The following TRDMT1 variants were observed in gnomAD, a reference collection of about 807,000 sequenced individuals.
TRDMT1 encodes tRNA aspartic acid methyltransferase 1.
A neutral mutation model predicts 51.2 loss-of-function variants in TRDMT1; 49 were observed. That is an observed-to-expected ratio of 0.96 (90% CI 0.76 to 1.21). TRDMT1 has a LOEUF of 1.21. Among genes scored for constraint, TRDMT1 ranks in the 50% most tolerant of loss-of-function variants. The pLI, the probability that TRDMT1 is intolerant of heterozygous loss-of-function variation, is 0.00. For missense variants in TRDMT1, 534 were observed against 462.3 expected, an observed-to-expected ratio of 1.16 and a Z score of -1.42; for synonymous variants, 187 against 164.6, an observed-to-expected ratio of 1.14 and a Z score of -1.04.
intron 3 of TRDMT1, among the ~76,000 whole-genome samples, chr10:17,162,818 C>A (rs191406912): frequency 1.3e-5 from 2 of 152,148 alleles, no homozygotes; most frequent in African/African-American, 4.8e-5. Flanking sequence ...AATAAGTACA[C>A]TTAAAATTTA....
Position 17,145,273 on chromosome 10 carries a change from AAAAC to A in TRDMT1, c.*3763_*3766del, listed in dbSNP as rs1441434069. On this transcript the variant is annotated 3_prime_UTR_variant, in exon 11 of 11. Coordinates refer to ENST00000377799, the MANE Select transcript of TRDMT1 (RefSeq NM_004412.7). ...AAAACAAAACAAAACAAAACAAAACAAAACAAAAAAAACAGCAAAGGGAAACTCT... is the reference window on the plus strand; with the variant it reads ...AAAACAAAACAAAACAAAACAAAACAAAAAAAAACAGCAAAGGGAAACTCT... 2.1e-4 allele frequency: 196 copies of A among 952,286 alleles called. No individual in the cohort carries two copies. Among genetic ancestry groups the A allele is most frequent in the South Asian group, 7.2e-4 (14 of 19,564 alleles). 59.0% of individuals were successfully genotyped at this position (952,286 alleles called of 1,614,324 possible). A position where few individuals can be genotyped will look rare whatever the true frequency, so the allele number is the denominator to read the frequency against.
chr10:17,190,793 A>C (rs1192933202), intron 1 of TRDMT1, among the ~76,000 whole-genome samples: 5 of 152,244 alleles, frequency 3.3e-5, no homozygotes, highest in East Asian at 3.8e-4. Flanking sequence ...GCATTCAACA[A>C]GTATATAAAA....
chr10:17,185,388 T>C (rs1054533054), intron 1 of TRDMT1, among the ~76,000 whole-genome samples: 1 of 151,194 alleles, frequency 6.6e-6, no homozygotes, highest in African/African-American at 2.4e-5. Context: ...TCACACCAGT[T>C]AGAATGGCGA....
chr10:17,179,000 G>C (rs1033476277), intron 1 of TRDMT1, among the ~76,000 whole-genome samples: 3 of 151,920 alleles, frequency 2.0e-5, no homozygotes, highest in Non-Finnish European at 4.4e-5. Context: ...AGACATACCA[G>C]AGCCAGAGAA....
At chr10:17,182,260 GA>G (rs1228180375) in intron 1 of TRDMT1, among the ~76,000 whole-genome samples, 1 of 152,094 alleles carries the variant, frequency 6.6e-6, no homozygotes, top group African/African-American at 2.4e-5. Flanking sequence ...GATACATGGA[GA>G]AAAAAACTGG....
chr10:17,143,754 A>T lies in TRDMT1; in HGVS notation c.*5286T>A. On this transcript the variant is annotated 3_prime_UTR_variant, in exon 11 of 11. Coordinates refer to ENST00000377799, the MANE Select transcript of TRDMT1 (RefSeq NM_004412.7). ...TGCCTTAGGAAGGCCATTTTAACAG[A>T]AGCTGACCAATGGAATGCAGAGTGA... The T allele has an allele frequency of 6.1e-6, 6 of 985,444 alleles. No homozygotes were observed. The highest frequency in any genetic ancestry group is 6.0e-6 in the Non-Finnish European group (5 of 829,926). 61.0% of individuals were successfully genotyped at this position (985,444 alleles called of 1,614,324 possible).
chr10:17,159,945 T>C (rs1428091477), intron 6 of TRDMT1, among the ~76,000 whole-genome samples: 2 of 152,186 alleles, frequency 1.3e-5, no homozygotes, highest in Non-Finnish European at 1.5e-5. Context: ...TACATGTTTA[T>C]ATTGTTTTCT....
intron 10 of TRDMT1, chr10:17,150,692 G>T (rs1334780215): frequency 1.0e-6 from 1 of 984,610 alleles, no homozygotes; most frequent in African/African-American, 1.7e-5. Flanking sequence ...ATGAGGACAG[G>T]AAGGTAGAAT....
At chr10:17,193,054 G>A (rs1263806801) in intron 1 of TRDMT1, among the ~76,000 whole-genome samples, 1 of 152,076 alleles carries the variant, frequency 6.6e-6, no homozygotes, top group South Asian at 2.1e-4. Flanking sequence ...ACTAGCCAGA[G>A]CAATCCCTCA....
intron 10 of TRDMT1, chr10:17,151,435 T>C (rs1219419996): frequency 2.1e-6 from 2 of 970,914 alleles, no homozygotes; most frequent in Non-Finnish European, 2.4e-6. Context: ...TTTGGAAGGA[T>C]CAATGCAGAT....
At chr10:17,177,948 G>A (rs1842819703) in intron 1 of TRDMT1, among the ~76,000 whole-genome samples, 1 of 152,114 alleles carries the variant, frequency 6.6e-6, no homozygotes, top group Non-Finnish European at 1.5e-5. Flanking sequence ...TTTACAAGAT[G>A]TAAATGCAAA....
In TRDMT1 at chr10:17,139,113, G is replaced by A; in HGVS notation, c.*9927C>T. The A allele has an allele frequency of 8.5e-6, 8 of 939,040 alleles. No homozygotes were observed. The highest frequency in any genetic ancestry group is 1.0e-5 in the Non-Finnish European group (8 of 787,476). 58.2% of individuals were successfully genotyped at this position (939,040 alleles called of 1,614,324 possible). On this transcript the variant is annotated 3_prime_UTR_variant, in exon 11 of 11. Transcript: ENST00000377799. ...AATGGGGACTTCAGCAGCTCCATTG[G>A]ATTAATCCAAGCTTGGTTTCCAAGG...
rs1320666620 is a variant in TRDMT1, at chr10:17,141,248, C to T, written c.*7792G>A. On this transcript the variant is annotated 3_prime_UTR_variant, in exon 11 of 11. Coordinates refer to ENST00000377799, the MANE Select transcript of TRDMT1 (RefSeq NM_004412.7). ...CACGATCTCAGCTCACTGCAGTCTC[C>T]GCTCCTGGGTTCAAGCCATTCCCCT... Among the ~76,000 whole-genome samples, 4 of 152,138 alleles carry T rather than the reference C, an allele frequency of 2.6e-5. No individual in the cohort carries two copies. Among genetic ancestry groups the T allele is most frequent in the African/African-American group, 7.2e-5 (3 of 41,424 alleles).
At chr10:17,165,682 CA>C (rs1841098413) in intron 3 of TRDMT1, among the ~76,000 whole-genome samples, 1 of 137,578 alleles carries the variant, frequency 7.3e-6, no homozygotes, top group Non-Finnish European at 1.6e-5. Flanking sequence ...AAGAAAAAAA[CA>C]AAAAACCCCA....
In TRDMT1 at chr10:17,141,080, T is replaced by C. The variant is rs1237988369; in HGVS notation, c.*7960A>G. The stretch of plus-strand genomic sequence containing the variant: ...CAATGCCACCTCCTTCTGGTCCTCA[T>C]GGTTTTGGATGAGACATCTACTGTC... On this transcript the variant is annotated 3_prime_UTR_variant, in exon 11 of 11. Coordinates refer to ENST00000377799, the MANE Select transcript of TRDMT1 (RefSeq NM_004412.7). 6.6e-6 allele frequency among the ~76,000 whole-genome samples: 1 copy of C among 152,380 alleles called. No homozygotes were observed. Among genetic ancestry groups the C allele is most frequent in the South Asian group, 2.1e-4 (1 of 4,832 alleles).
intron 3 of TRDMT1, among the ~76,000 whole-genome samples, chr10:17,164,497 T>C (rs536117327): frequency 2.4e-4 from 36 of 152,226 alleles, no homozygotes; most frequent in African/African-American, 7.7e-4. Context: ...CTATTCAACA[T>C]AGTGTTGGAA....
At chr10:17,160,828 C>G (rs1403621016) in intron 5 of TRDMT1, among the ~76,000 whole-genome samples, 1 of 152,080 alleles carries the variant, frequency 6.6e-6, no homozygotes, top group Non-Finnish European at 1.5e-5. Flanking sequence ...AGATAATGAC[C>G]CTACGTTTTT....
chr10:17,194,231 C>G (rs1588685298), intron 1 of TRDMT1, among the ~76,000 whole-genome samples: 1 of 152,200 alleles, frequency 6.6e-6, no homozygotes. Context: ...AAACACCACT[C>G]TGGACATTGG....
chr10:17,191,727 C>A (rs764192489), intron 1 of TRDMT1, among the ~76,000 whole-genome samples: 1 of 152,112 alleles, frequency 6.6e-6, no homozygotes, highest in Non-Finnish European at 1.5e-5. Flanking sequence ...CAAGGAGCAC[C>A]ATTGCGGGAG....
Sources: allele counts gnomAD v4.1 joint callset (sites outside exome capture counted in the v4.1 genomes callset), GRCh38; gene constraint gnomAD v4.1.1; transcripts MANE v1.5; gene names NCBI Gene and HGNC (gene_info 2026-07-23, HGNC 2026-07-21).